BICD1: variants seen among roughly 807,000 people sequenced by gnomAD.
The protein encoded by BICD1 is protein bicaudal D homolog 1.
A neutral mutation model predicts 92.5 loss-of-function variants in BICD1; 35 were observed. That is an observed-to-expected ratio of 0.38 (90% CI 0.29 to 0.50). BICD1 has a LOEUF of 0.50. Among genes scored for constraint, BICD1 ranks in the 20% least tolerant of loss-of-function variants. The pLI is 0.93. For missense variants in BICD1, 950 were observed against 1,189.8 expected, an observed-to-expected ratio of 0.80 and a Z score of 2.97; for synonymous variants, 429 against 465.1, an observed-to-expected ratio of 0.92 and a Z score of 1.00.
chr12:32,300,305 G>A (rs1355974388), intron 3 of BICD1, among the ~76,000 whole-genome samples: 2 of 151,536 alleles, frequency 1.3e-5, no homozygotes, highest in Non-Finnish European at 2.9e-5. Flanking sequence ...GTGTTTCACC[G>A]TGTTAGTCAG....
intron 1 of BICD1, among the ~76,000 whole-genome samples, chr12:32,186,608 T>G (rs1230933396): frequency 6.6e-6 from 1 of 152,174 alleles, no homozygotes; most frequent in African/African-American, 2.4e-5. Flanking sequence ...TGGTCAAAGT[T>G]CTTTATTATT....
At chr12:32,376,954 T>C (rs1309475661) in intron 9 of BICD1, among the ~76,000 whole-genome samples, 1 of 151,666 alleles carries the variant, frequency 6.6e-6, no homozygotes, top group African/African-American at 2.4e-5. Context: ...TAGAGCAAAT[T>C]AGACTTCCAC....
Position 32,117,711 on chromosome 12 carries a change from T to TACAC in BICD1, c.213+10189_213+10192dup, listed in dbSNP as rs747943737. Among the ~76,000 whole-genome samples the TACAC allele has an allele frequency of 3.5e-3, 404 of 117,016 alleles. 3 individuals carry two copies. Among genetic ancestry groups the TACAC allele is most frequent in the African/African-American group, 0.012 (357 of 30,462 alleles). 76.8% of individuals were successfully genotyped at this position (117,016 alleles called of 152,430 possible). ...ATATATATATATACACAAATATATA[T>TACAC]ACACACACACACACACACACACACA... On this transcript the variant is annotated intron_variant, in intron 1 of 9. Transcript: ENST00000652176.
intron 2 of BICD1, among the ~76,000 whole-genome samples, chr12:32,242,984 T>C (rs1307510715): frequency 6.6e-6 from 1 of 152,084 alleles, no homozygotes; most frequent in Non-Finnish European, 1.5e-5. Context: ...ATTAAATGAG[T>C]CCTTACATGT....
intron 1 of BICD1, among the ~76,000 whole-genome samples, chr12:32,145,587 T>C (rs1943078117): frequency 6.6e-6 from 1 of 152,220 alleles, no homozygotes; most frequent in South Asian, 2.1e-4. Flanking sequence ...GCAGAATGCA[T>C]TTGGAACATA....
At chr12:32,217,698 CT>C (rs1945400703) in intron 2 of BICD1, among the ~76,000 whole-genome samples, 1 of 152,204 alleles carries the variant, frequency 6.6e-6, no homozygotes, top group African/African-American at 2.4e-5. Context: ...ACGTGAACAA[CT>C]GTTAAAAACA....
At chr12:32,296,086 G>T (rs190142149) in intron 3 of BICD1, among the ~76,000 whole-genome samples, 1 of 151,944 alleles carries the variant, frequency 6.6e-6, no homozygotes, top group South Asian at 2.1e-4. Context: ...CATTCCTTCC[G>T]TAAGCACTGA....
intron 1 of BICD1, among the ~76,000 whole-genome samples, chr12:32,142,417 A>C (rs958512780): frequency 1.1e-4 from 8 of 71,210 alleles, no homozygotes; most frequent in African/African-American, 4.9e-4. Context: ...AAAAAAAAAA[A>C]AAAAAAAAAA....
intron 1 of BICD1, among the ~76,000 whole-genome samples, chr12:32,134,008 C>G (rs912767059): frequency 6.6e-6 from 1 of 152,094 alleles, no homozygotes; most frequent in Non-Finnish European, 1.5e-5. Context: ...GTCTTGATCT[C>G]CTGACCTGGT....
At chr12:32,289,376 G>C (rs1049614230) in intron 2 of BICD1, among the ~76,000 whole-genome samples, 22 of 152,078 alleles carry the variant, frequency 1.4e-4, no homozygotes, top group African/African-American at 5.3e-4. Flanking sequence ...TGATATCAGA[G>C]TCTGTTGTTT....
In BICD1 at chr12:32,110,108, G is replaced by A. The variant is rs12229250; in HGVS notation, c.213+2564G>A. Among the ~76,000 whole-genome samples, 738 of 152,308 alleles carry A rather than the reference G, an allele frequency of 4.8e-3. 24 individuals carry two copies. The East Asian group carries it at 0.1, about 21-fold the overall frequency. ...TGTATTAAGTCCAAATTGGACATTA[G>A]TAATTTGCAGTATAGCAACATGGCT... On this transcript the variant is annotated intron_variant, in intron 1 of 9. Transcript: ENST00000652176.
intron 2 of BICD1, among the ~76,000 whole-genome samples, chr12:32,229,161 G>T (rs1211270478): frequency 7.9e-5 from 12 of 152,178 alleles, no homozygotes; most frequent in African/African-American, 2.9e-4. Context: ...TGAAGCAAGA[G>T]AATTGCTTGA....
chr12:32,375,096 T>TA (rs1261487246), intron 9 of BICD1, among the ~76,000 whole-genome samples: 16 of 149,776 alleles, frequency 1.1e-4, no homozygotes, highest in Admixed American at 2.0e-4. Flanking sequence ...TTTTTTTTTT[T>TA]AATTATTTTT....
chr12:32,281,034 TA>T (rs1947398058), intron 2 of BICD1, among the ~76,000 whole-genome samples: 1 of 151,782 alleles, frequency 6.6e-6, no homozygotes, highest in Non-Finnish European at 1.5e-5. Context: ...AACAAGTATG[TA>T]ACTTTATTTA....
At chr12:32,294,248 A>G in intron 3 of BICD1, 102 bp downstream of exon 3, 1 of 1,168,950 alleles carries the variant, frequency 8.6e-7, no homozygotes, top group Non-Finnish European at 1.2e-6. Context: ...TTACTCTTTT[A>G]TCTTCTCTCT....
In BICD1 at chr12:32,378,023, A is replaced by C. The variant is rs1940048788; in HGVS notation, c.*396A>C. 1 of 157,792 alleles carries C rather than the reference A, an allele frequency of 6.3e-6. No individual in the cohort carries two copies. Among genetic ancestry groups the C allele is most frequent in the African/African-American group, 2.4e-5 (1 of 41,650 alleles). The allele number at this position is 157,792 out of a possible 1,614,324, so 9.8% of individuals were successfully genotyped here. ...AAATTCAGCTAGGGAAGTTGATTCC[A>C]ATATGTTTGTCATTGATATTTATTT... On this transcript the variant is annotated 3_prime_UTR_variant, in exon 10 of 10. Transcript: ENST00000652176.
intron 1 of BICD1, among the ~76,000 whole-genome samples, chr12:32,186,072 C>T (rs1944416816): frequency 6.6e-6 from 1 of 152,190 alleles, no homozygotes; most frequent in Non-Finnish European, 1.5e-5. Flanking sequence ...GCAATGTTTC[C>T]AGGAGAACCT....
chr12:32,304,209 T>C (rs1948147989), intron 3 of BICD1, among the ~76,000 whole-genome samples: 1 of 152,196 alleles, frequency 6.6e-6, no homozygotes, highest in Admixed American at 6.5e-5. Context: ...TGAGATTATA[T>C]AAAGGGAAGT....
At chr12:32,302,589 C>T (rs1948085967) in intron 3 of BICD1, among the ~76,000 whole-genome samples, 1 of 152,118 alleles carries the variant, frequency 6.6e-6, no homozygotes, top group Admixed American at 6.6e-5. Flanking sequence ...TTATAGTGCC[C>T]AGTTATCATT....
Sources: gnomAD v4.1 joint callset for allele counts (sites outside exome capture counted in the v4.1 genomes callset) on GRCh38, gnomAD v4.1.1 for gene constraint, MANE v1.5 for transcripts, NCBI Gene and HGNC (gene_info 2026-07-23, HGNC 2026-07-21) for gene names.